The following MAGI3 variants were observed in gnomAD, a reference collection of about 807,000 sequenced individuals.
MAGI3 encodes membrane associated guanylate kinase, WW and PDZ domain containing 3.
MAGI3 carries 43 observed loss-of-function variants against 121.8 expected under a neutral mutation model. The observed-to-expected ratio is 0.35, with a 90% CI of 0.28 to 0.46. The LOEUF (loss-of-function observed/expected upper bound fraction) is 0.46. MAGI3 is among the 20% of genes least tolerant of loss of function. The pLI is 1.00. For synonymous variants in MAGI3, 553 were observed against 639.3 expected (o/e 0.86, Z 2.04); for missense variants, 1,547 against 1,797.3 (o/e 0.86, Z 2.52).
At chr1:113,494,555 G>T (rs1379061303) in intron 1 of MAGI3, among the ~76,000 whole-genome samples, 4 of 152,134 alleles carry the variant, frequency 2.6e-5, no homozygotes, top group East Asian at 3.8e-4. Flanking sequence ...CTTAATCTCT[G>T]AATTAGTAAC....
At chr1:113,640,089 CAAAAAA>C (rs1292991649) in intron 9 of MAGI3, among the ~76,000 whole-genome samples, 1 of 151,814 alleles carries the variant, frequency 6.6e-6, no homozygotes, top group Non-Finnish European at 1.5e-5. Context: ...AGATACTTCT[CAAAAAA>C]AGACAATTAT....
chr1:113,580,053 G>A (rs926843156), intron 2 of MAGI3, among the ~76,000 whole-genome samples: 6 of 152,030 alleles, frequency 3.9e-5, no homozygotes, highest in African/African-American at 9.7e-5. Context: ...ATCTGTTACT[G>A]TAGTTAATTT....
intron 9 of MAGI3, among the ~76,000 whole-genome samples, chr1:113,639,158 A>G (rs964683783): frequency 2.0e-5 from 3 of 152,228 alleles, no homozygotes; most frequent in Non-Finnish European, 4.4e-5. Context: ...TGACTAGGAA[A>G]GGGAACTCCC....
chr1:113,475,406 C>T (rs1184576650), intron 1 of MAGI3, among the ~76,000 whole-genome samples: 6 of 152,060 alleles, frequency 3.9e-5, no homozygotes, highest in African/African-American at 1.2e-4. Context: ...TTTTGAGATA[C>T]GTTCCATGAA....
intron 6 of MAGI3, among the ~76,000 whole-genome samples, chr1:113,608,456 T>C (rs916754099): frequency 7.9e-5 from 12 of 152,184 alleles, no homozygotes; most frequent in African/African-American, 2.9e-4. Context: ...CAAATGAATG[T>C]TAGCCCTGCA....
intron 9 of MAGI3, among the ~76,000 whole-genome samples, chr1:113,641,700 A>G (rs1652541019): frequency 6.6e-6 from 1 of 152,004 alleles, no homozygotes; most frequent in African/African-American, 2.4e-5. Flanking sequence ...TTGCTACTGA[A>G]ATAAGTAGGA....
intron 1 of MAGI3, among the ~76,000 whole-genome samples, chr1:113,507,211 C>A (rs550217334): frequency 1.3e-5 from 2 of 152,236 alleles, no homozygotes; most frequent in East Asian, 3.9e-4. Context: ...AATTGGGATA[C>A]ACTATGAGGT....
At chr1:113,583,459 G>GA (rs1045876333) in intron 3 of MAGI3, among the ~76,000 whole-genome samples, 29 of 152,002 alleles carry the variant, frequency 1.9e-4, no homozygotes, top group African/African-American at 6.3e-4. Context: ...TTTCCCCTTA[G>GA]AAAAAGGTTA....
chr1:113,394,325 C>T (rs1284577603), intron 1 of MAGI3, among the ~76,000 whole-genome samples: 1 of 152,004 alleles, frequency 6.6e-6, no homozygotes, highest in Non-Finnish European at 1.5e-5. Context: ...GTACTTTGCC[C>T]GCTTATAGAA....
At chr1:113,611,579 A>T (rs1650139214) in intron 6 of MAGI3, among the ~76,000 whole-genome samples, 1 of 152,044 alleles carries the variant, frequency 6.6e-6, no homozygotes, top group African/African-American at 2.4e-5. Context: ...TCCAGTCTTC[A>T]CAAGTTCTTA....
intron 1 of MAGI3, among the ~76,000 whole-genome samples, chr1:113,413,956 T>C (rs1183439306): frequency 2.0e-5 from 3 of 152,098 alleles, no homozygotes; most frequent in African/African-American, 2.4e-5. Context: ...TGTCTTGTGC[T>C]GGTTTTCAAA....
intron 1 of MAGI3, among the ~76,000 whole-genome samples, chr1:113,544,958 A>G (rs1234037057): frequency 6.6e-6 from 1 of 152,186 alleles, no homozygotes; most frequent in African/African-American, 2.4e-5. Flanking sequence ...CTTTAAATGA[A>G]TTTAAATTTT....
chr1:113,482,114 T>C (rs1048350273), intron 1 of MAGI3, among the ~76,000 whole-genome samples: 15 of 152,170 alleles, frequency 9.9e-5, no homozygotes, highest in African/African-American at 3.6e-4. Flanking sequence ...AACTATAAGA[T>C]AAAAACTGTG....
At chr1:113,432,900 C>T (rs1422966800) in intron 1 of MAGI3, among the ~76,000 whole-genome samples, 2 of 152,040 alleles carry the variant, frequency 1.3e-5, no homozygotes, top group African/African-American at 4.8e-5. Flanking sequence ...TAAAATTCTT[C>T]TGCCAAGCAC....
At chr1:113,554,446 G>T (rs909697828) in intron 2 of MAGI3, among the ~76,000 whole-genome samples, 3 of 151,398 alleles carry the variant, frequency 2.0e-5, no homozygotes, top group Non-Finnish European at 2.9e-5. Flanking sequence ...CTGAAAAAGT[G>T]AACTTTTTTT....
At position 113,642,426 on chromosome 1, in the gene MAGI3, A is replaced by T. The variant is rs1466440118; in HGVS notation, c.1876A>T (p.Asn626Tyr). Reference sequence around the variant, plus strand: ...TATAATTAAGGAAATATACCATCAAAATGTGCAGAATTTAACACATCTCCA... The same window carrying T: ...TATAATTAAGGAAATATACCATCAATATGTGCAGAATTTAACACATCTCCA... ...GDIIKEIYHQ[N>Y]VQNLTHLQVV... Residue 626 changes from asparagine (N) to tyrosine (Y), a missense_variant, in exon 10 of 21, where the codon AAT (asparagine) becomes TAT (tyrosine). Asn to Tyr is a moderately radical substitution (Grantham distance 143, BLOSUM62 -2). Transcript: ENST00000307546. 1 of 1,614,176 alleles carries T rather than the reference A, an allele frequency of 6.2e-7. No individual in the cohort carries two copies. The highest frequency in any genetic ancestry group is 1.1e-5 in the South Asian group (1 of 91,080).
rs781009274 is a variant in MAGI3, at chr1:113,590,743, T to C, written c.938+85T>C. ...TTTTTTAAACCTCATTTTAGACACA[T>C]ACCTTTTTCAGAAGACTCATTTTTT... On this transcript the variant is annotated intron_variant, in intron 5 of 20. Coordinates refer to ENST00000307546, the MANE Select transcript of MAGI3 (RefSeq NM_001142782.2). 29 of 1,250,318 alleles carry C rather than the reference T, an allele frequency of 2.3e-5. No homozygotes were observed. In the Admixed American group the frequency reaches 2.7e-4, roughly 11 times the overall value. The allele number at this position is 1,250,318 out of a possible 1,614,324, so 77.5% of individuals were successfully genotyped here. A position where few individuals can be genotyped will look rare whatever the true frequency, so the allele number is the denominator to read the frequency against.
At chr1:113,534,879 T>G (rs1162364987) in intron 1 of MAGI3, among the ~76,000 whole-genome samples, 6 of 152,204 alleles carry the variant, frequency 3.9e-5, no homozygotes, top group African/African-American at 1.4e-4. Context: ...CCATGTTTTC[T>G]TGTACATAAT....
chr1:113,582,526 T>A (rs918123220), intron 3 of MAGI3, among the ~76,000 whole-genome samples: 1 of 152,012 alleles, frequency 6.6e-6, no homozygotes, highest in African/African-American at 2.4e-5. Flanking sequence ...GGTATAAAAT[T>A]GTATAAAAAG....
Sources: gnomAD v4.1 joint callset for allele counts (sites outside exome capture counted in the v4.1 genomes callset) on GRCh38, gnomAD v4.1.1 for gene constraint, MANE v1.5 for transcripts, NCBI Gene and HGNC (gene_info 2026-07-23, HGNC 2026-07-21) for gene names.